Variants in DST observed in about 807,000 individuals in gnomAD.
DST encodes bullous pemphigoid antigen.
DST carries 253 observed loss-of-function variants against 875.2 expected under a neutral mutation model. The observed-to-expected ratio is 0.29, with a 90% CI of 0.26 to 0.32. DST has a LOEUF of 0.32. Among genes scored for constraint, DST ranks in the 10% least tolerant of loss-of-function variants. The probability of loss-of-function intolerance (pLI) is 1.00; values close to 1 mark genes in which losing one functional copy is unlikely to be tolerated. For missense variants in DST, 8,287 were observed against 9,111.6 expected, an observed-to-expected ratio of 0.91 and a Z score of 3.68; for synonymous variants, 3,124 against 3,197.1, an observed-to-expected ratio of 0.98 and a Z score of 0.77.
At chr6:56,532,185 G>A (rs1199946771) in intron 64 of DST, among the ~76,000 whole-genome samples, 159 bp downstream of exon 64, 6 of 152,186 alleles carry the variant, frequency 3.9e-5, no homozygotes, top group Non-Finnish European at 5.9e-5. Context: ...ACCATTAGAG[G>A]AATGAGGAAA....
intron 4 of DST, among the ~76,000 whole-genome samples, chr6:56,812,437 A>G (rs1343024892): frequency 6.6e-6 from 1 of 152,258 alleles, no homozygotes; most frequent in Admixed American, 6.5e-5. Flanking sequence ...AAAACATCTA[A>G]AAAGAGTAAA....
chr6:56,621,456 C>T (rs571962831), intron 36 of DST, among the ~76,000 whole-genome samples: 109 of 152,310 alleles, frequency 7.2e-4, no homozygotes, highest in African/African-American at 2.4e-3. Context: ...TTCATATACT[C>T]ACAGATTTTG....
In DST at chr6:56,843,179, C is replaced by T. The variant is rs1443235465; in HGVS notation, c.625+8218G>A. ...TTATCTAAGCGATGACTGACAAATT[C>T]CCCTCTCCCCCTCGTAACCCCCGGA... On this transcript the variant is annotated intron_variant, in intron 4 of 103. Coordinates refer to ENST00000680361, the MANE Select transcript of DST (RefSeq NM_001374736.1). 6 of 1,520,604 alleles carry T rather than the reference C, an allele frequency of 3.9e-6. No homozygotes were observed. The East Asian group carries it at 7.0e-5, about 18-fold the overall frequency. The allele number at this position is 1,520,604 out of a possible 1,614,324, so 94.2% of individuals were successfully genotyped here.
chr6:56,464,706 T>C lies in DST; in HGVS notation c.22738A>G (p.Thr7580Ala), dbSNP rs1295819033. 2 of 1,600,060 alleles carry C rather than the reference T, an allele frequency of 1.2e-6. No individual in the cohort carries two copies. The highest frequency in any genetic ancestry group is 1.7e-5 in the Admixed American group (1 of 58,364). The part of the protein sequence containing the change: ...MLRSESNSSI[T>A]TTQPTIAKGR... Reference sequence around the variant, plus strand: ...CAACCTATAGTAGGCTGAGTAGTAGTAATTGAAGAGTTTGATTCCGAACGT... The same window carrying C: ...CAACCTATAGTAGGCTGAGTAGTAGCAATTGAAGAGTTTGATTCCGAACGT... The change falls in exon 100 of 104, where the codon ACT becomes GCT. Residue 7580 changes from threonine to alanine, a missense_variant. This residue lies in a region of DST where 64 missense variants were observed against 86.2 expected (regional missense o/e 0.74). Coordinates refer to ENST00000680361, the MANE Select transcript of DST (RefSeq NM_001374736.1).
intron 3 of DST, among the ~76,000 whole-genome samples, chr6:56,900,026 A>G (rs1793321521): frequency 6.6e-6 from 1 of 152,166 alleles, no homozygotes; most frequent in Admixed American, 6.5e-5. Context: ...CCAAGACTCC[A>G]GCCCCACCTT....
intron 49 of DST, among the ~76,000 whole-genome samples, chr6:56,580,543 TC>T (rs369123840): frequency 7.7e-4 from 112 of 146,014 alleles, no homozygotes; most frequent in African/African-American, 2.7e-3. Context: ...AGAGTGATAT[TC>T]CTACTTTCTT....
intron 2 of DST, among the ~76,000 whole-genome samples, chr6:56,943,255 G>A (rs1374992319): frequency 6.6e-6 from 1 of 152,002 alleles, no homozygotes; most frequent in African/African-American, 2.4e-5. Flanking sequence ...TTGGATGACA[G>A]TACTGGTTAT....
chr6:56,606,605 G>A lies in DST; in HGVS notation c.8023C>T (p.Pro2675Ser). 6.2e-7 allele frequency: 1 copy of A among 1,613,470 alleles called. No homozygotes were observed. Among genetic ancestry groups the A allele is most frequent in the Non-Finnish European group, 8.5e-7 (1 of 1,179,588 alleles). The change falls in exon 40 of 104, where the codon CCA becomes TCA. Residue 2675 changes from proline to serine, a missense_variant. Physicochemically the swap from Pro to Ser is moderately conservative, Grantham distance 74 (BLOSUM62 -1). This residue lies in a region of DST where 3,138 missense variants were observed against 3,116.6 expected (regional missense o/e 1.01). Coordinates refer to ENST00000680361, the MANE Select transcript of DST (RefSeq NM_001374736.1). ...TTCTTCACACTTAAGCTACCAACTG[G>A]TGCCCCCTGGGGAACCATGGAATTT... ...NENSMVPQGA[P>S]VGSLSVKNKA...
chr6:56,840,886 T>G (rs2153072824), intron 4 of DST, among the ~76,000 whole-genome samples: 1 of 152,290 alleles, frequency 6.6e-6, no homozygotes, highest in East Asian at 1.9e-4. Context: ...CTTACACTAC[T>G]CAACAGCTGA....
intron 2 of DST, among the ~76,000 whole-genome samples, chr6:56,944,376 TTAC>T (rs1440583019): frequency 6.6e-6 from 1 of 152,064 alleles, no homozygotes; most frequent in Non-Finnish European, 1.5e-5. Flanking sequence ...CACTAAATTG[TTAC>T]TACGAGGCGG....
chr6:56,617,387 G>A lies in DST; in HGVS notation c.4930-2903C>T, dbSNP rs1382331906. 1.9e-6 allele frequency: 3 copies of A among 1,613,414 alleles called. No homozygotes were observed. In the South Asian group the frequency reaches 3.3e-5, roughly 18 times the overall value. Reference sequence around the variant, plus strand: ...TTCTTGTTTTAATGTTGTGACTTCTGTATGCATATCATACTGCTTGTTCTT... The same window carrying A: ...TTCTTGTTTTAATGTTGTGACTTCTATATGCATATCATACTGCTTGTTCTT... On this transcript the variant is annotated intron_variant, in intron 36 of 103. Transcript: ENST00000680361.
At chr6:56,645,383 C>A (rs752834601) in intron 15 of DST, among the ~76,000 whole-genome samples, 2 of 152,112 alleles carry the variant, frequency 1.3e-5, no homozygotes, top group Non-Finnish European at 2.9e-5. Flanking sequence ...CTTGTAGAAG[C>A]GTGGCAGAAA....
intron 10 of DST, among the ~76,000 whole-genome samples, chr6:56,661,960 C>T (rs1020456292): frequency 4.6e-5 from 7 of 152,126 alleles, no homozygotes; most frequent in Admixed American, 3.3e-4. Context: ...CCCCTAAACT[C>T]GTAATACATG....
intron 36 of DST, chr6:56,616,346 T>C (rs376204665): frequency 1.2e-6 from 2 of 1,613,760 alleles, no homozygotes; most frequent in Non-Finnish European, 1.7e-6. Context: ...CTTCCACTGA[T>C]ATTGCTGCCC....
intron 69 of DST, among the ~76,000 whole-genome samples, chr6:56,518,916 A>G (rs1177296869): frequency 6.6e-6 from 1 of 152,218 alleles, no homozygotes; most frequent in African/African-American, 2.4e-5. Flanking sequence ...AGATTTTTAA[A>G]AATTCATACT....
At chr6:56,637,560 T>C (rs2098837983) in intron 22 of DST, among the ~76,000 whole-genome samples, 6 of 152,158 alleles carry the variant, frequency 3.9e-5, no homozygotes. Flanking sequence ...AAAATGTGTG[T>C]ACTCCCAAAT....
At position 56,508,710 on chromosome 6, in the gene DST, A is replaced by G; in HGVS notation, c.19058T>C (p.Ile6353Thr). ...TTCCCTCTCTTCCACCAGTGTGTGT[A>G]TGTTCTCCCAAATGAAAACCATTTG... ...LDQMVFIWEN[I>T]HTLVEEREAK... is the part of the protein sequence containing the mutation. The change falls in exon 75 of 104, where the codon ATA becomes ACA. Residue 6353 changes from isoleucine to threonine, a missense_variant. This residue lies in a region of DST where 1,292 missense variants were observed against 1,552.7 expected (regional missense o/e 0.83). Coordinates refer to ENST00000680361, the MANE Select transcript of DST (RefSeq NM_001374736.1). 6.2e-7 allele frequency: 1 copy of G among 1,613,732 alleles called. No individual in the cohort carries two copies. Among genetic ancestry groups the G allele is most frequent in the Non-Finnish European group, 8.5e-7 (1 of 1,179,764 alleles).
At chr6:56,843,095 C>T in intron 4 of DST, 1 of 1,571,450 alleles carries the variant, frequency 6.4e-7, no homozygotes, top group Non-Finnish European at 8.7e-7. Context: ...CCTGGAGATA[C>T]TCCTGCTCCT....
rs2098463536 is a variant in DST at position 56,603,405 on chromosome 6, A to C, written c.10957T>G (p.Leu3653Val). Residue 3653 changes from leucine (L) to valine (V), a missense_variant, in exon 42 of 104, where the codon TTA (leucine) becomes GTA (valine). By Grantham distance (32) the Leu-to-Val change is conservative (BLOSUM62 1). Around this residue, in one of 10 missense-constraint regions of DST, gnomAD observed 3,138 missense variants for 3,116.6 expected, o/e 1.01. Transcript: ENST00000680361. Reference sequence around the variant, plus strand: ...CTTAAAATAACAGCAATTGGAGCTAATCCCAATTCAAATGTCTGCAAAGAA... The same window carrying C: ...CTTAAAATAACAGCAATTGGAGCTACTCCCAATTCAAATGTCTGCAAAGAA... ...LRQLETFELG[L>V]APIAVILRKD... The C allele has an allele frequency of 6.2e-7, 1 of 1,610,188 alleles. No individual in the cohort carries two copies. The highest frequency in any genetic ancestry group is 8.5e-7 in the Non-Finnish European group (1 of 1,178,884).
Sources: gnomAD v4.1 joint callset for allele counts (sites outside exome capture counted in the v4.1 genomes callset) on GRCh38, gnomAD v4.1.1 for gene constraint, gnomAD v4.1.1 regional missense constraint, MANE v1.5 for transcripts, NCBI Gene and HGNC (gene_info 2026-07-23, HGNC 2026-07-21) for gene names.